ADAT2: variants seen among roughly 807,000 people sequenced by gnomAD.
ADAT2 encodes the protein tRNA-specific adenosine-34 deaminase catalytic subunit ADAT2.
In ADAT2, 26 loss-of-function variants were observed where a neutral mutation model predicts 25.9. The observed-to-expected ratio is 1.00, with a 90% CI of 0.74 to 1.39. The LOEUF (loss-of-function observed/expected upper bound fraction) is 1.39. Ranked by LOEUF, ADAT2 falls within the 40% of genes most tolerant of loss-of-function variation. The pLI is 0.00. For missense variants in ADAT2, 220 were observed against 244.8 expected (o/e 0.90, Z 0.68); for synonymous variants, 76 against 86.8 (o/e 0.88, Z 0.69).
In ADAT2 at chr6:143,430,567, A is replaced by G. The variant is rs1046301577; in HGVS notation, c.460-1883T>C. 1.3e-3 allele frequency among the ~76,000 whole-genome samples: 183 copies of G among 137,778 alleles called. 1 individual carries two copies. The highest frequency in any genetic ancestry group is 4.4e-3 in the African/African-American group (165 of 37,318). The allele number at this position is 137,778 out of a possible 152,430, so 90.4% of individuals were successfully genotyped here. ...TGTTAATAAAAAGCAAACATTCATAATAATTTTTTTTTTTGAGACAGTCTC... is the reference window on the plus strand; with the variant it reads ...TGTTAATAAAAAGCAAACATTCATAGTAATTTTTTTTTTTGAGACAGTCTC... On this transcript the variant is annotated intron_variant, in intron 4 of 5. Coordinates refer to ENST00000237283, the MANE Select transcript of ADAT2 (RefSeq NM_182503.3).
chr6:143,438,489 G>A (rs773397849), intron 2 of ADAT2, 101 bp downstream of exon 2: 37 of 771,240 alleles, frequency 4.8e-5, no homozygotes, highest in African/African-American at 1.1e-4. Context: ...TGGCAGCTAC[G>A]GGACTATATT....
At chr6:143,429,487 C>G (rs1008905926) in intron 4 of ADAT2, among the ~76,000 whole-genome samples, 1 of 152,038 alleles carries the variant, frequency 6.6e-6, no homozygotes, top group Non-Finnish European at 1.5e-5. Context: ...ACCTGAAGAA[C>G]ATGAAACTTG....
intron 4 of ADAT2, among the ~76,000 whole-genome samples, chr6:143,429,419 C>T (rs1258199170): frequency 6.6e-6 from 1 of 151,990 alleles, no homozygotes; most frequent in Non-Finnish European, 1.5e-5. Flanking sequence ...GAAATCATAA[C>T]ATGTGAAAGA....
intron 4 of ADAT2, among the ~76,000 whole-genome samples, chr6:143,431,238 G>C (rs964618093): frequency 6.6e-6 from 1 of 152,180 alleles, no homozygotes; most frequent in Non-Finnish European, 1.5e-5. Context: ...AACTTGTTTT[G>C]GTTCTGCTGC....
At position 143,425,052 on chromosome 6, in the gene ADAT2, A is replaced by G. The variant is rs1778888802; in HGVS notation, c.*3411T>C. 1 of 152,220 alleles carries G rather than the reference A, an allele frequency of 6.6e-6. No individual in the cohort carries two copies. The highest frequency in any genetic ancestry group is 1.5e-5 in the Non-Finnish European group (1 of 68,056). The allele number at this position is 152,220 out of a possible 1,614,324, so 9.4% of individuals were successfully genotyped here. A position where few individuals can be genotyped will look rare whatever the true frequency, so the allele number is the denominator to read the frequency against. On this transcript the variant is annotated 3_prime_UTR_variant, in exon 6 of 6. Transcript: ENST00000237283. ...TCCTGTGAGGAACTTAACATCAACC[A>G]GCACCTGAATCTAATCACAAGAAAA...
rs964691785 is a variant in ADAT2, at chr6:143,437,162, G to A, written c.201+1428C>T. On this transcript the variant is annotated intron_variant, in intron 2 of 5. Transcript: ENST00000237283. This position sits in a 1 kb window ranked among gnomAD's most constrained non-coding sequence, Gnocchi z 4.1. ...ATCTGAATTGTCCAACTACTTTGTC[G>A]GAACAGTTCCTATTGATTGGAACTG... 1.3e-5 allele frequency among the ~76,000 whole-genome samples: 2 copies of A among 152,054 alleles called. No homozygotes were observed. The highest frequency in any genetic ancestry group is 2.4e-5 in the African/African-American group (1 of 41,416).
rs757226847 is a variant in ADAT2, at chr6:143,433,813, C to T, written c.352+18G>A. On this transcript the variant is annotated intron_variant, in intron 3 of 5. Coordinates refer to ENST00000237283, the MANE Select transcript of ADAT2 (RefSeq NM_182503.3). ...ACACGAATGGTACGATACATTAACT[C>T]ATGAAGTCAAAGGATACTCATCAGG... The T allele has an allele frequency of 1.8e-5, 29 of 1,611,902 alleles. No homozygotes were observed. The South Asian group carries it at 2.3e-4, about 13-fold the overall frequency.
chr6:143,433,261 G>T (rs1326242994), intron 3 of ADAT2, among the ~76,000 whole-genome samples: 1 of 152,122 alleles, frequency 6.6e-6, no homozygotes, highest in Non-Finnish European at 1.5e-5. Flanking sequence ...ATCTTTAGAA[G>T]TCCCTACAGA....
rs1163045883 is a variant in ADAT2 at position 143,442,427 on chromosome 6, C to T, written c.97-3733G>A. 2.0e-5 allele frequency among the ~76,000 whole-genome samples: 3 copies of T among 151,180 alleles called. No individual in the cohort carries two copies. The highest frequency in any genetic ancestry group is 4.9e-5 in the African/African-American group (2 of 41,100). On this transcript the variant is annotated intron_variant, in intron 1 of 5. Coordinates refer to ENST00000237283, the MANE Select transcript of ADAT2 (RefSeq NM_182503.3). The surrounding 1 kb of genome is among the most constrained non-coding windows in gnomAD (Gnocchi z 4.6). ...GAGCCATGTGGTAGTGAAACAGTTC[C>T]AGTGGTGGTTATACAAAGCTAAACA...
chr6:143,426,682 A>C lies in ADAT2; in HGVS notation c.*1781T>G, dbSNP rs1342916882. The C allele has an allele frequency of 6.6e-6, 1 of 152,180 alleles. No individual in the cohort carries two copies. The highest frequency in any genetic ancestry group is 1.5e-5 in the Non-Finnish European group (1 of 68,046). 9.4% of individuals were successfully genotyped at this position (152,180 alleles called of 1,614,324 possible). On this transcript the variant is annotated 3_prime_UTR_variant, in exon 6 of 6. Coordinates refer to ENST00000237283, the MANE Select transcript of ADAT2 (RefSeq NM_182503.3). This position sits in a 1 kb window ranked among gnomAD's most constrained non-coding sequence, Gnocchi z 4.1. ...CGACAGTCTCTGGGCTAGAATGCTC[A>C]TATACTATTTTCGGCTTTGGCTTTT... is the stretch of plus-strand genomic sequence containing the variant.
chr6:143,433,770 T>G, intron 3 of ADAT2, 61 bp downstream of exon 3: 2 of 1,499,886 alleles, frequency 1.3e-6, no homozygotes, highest in South Asian at 2.8e-5. Flanking sequence ...GGCTACGTGT[T>G]TGGCCACTCT....
At chr6:143,445,105 T>TCAC in intron 1 of ADAT2, 1 of 285,138 alleles carries the variant, frequency 3.5e-6, no homozygotes, top group Non-Finnish European at 6.5e-6. Flanking sequence ...CTCTGAGTAA[T>TCAC]TAGCAGAAAC....
At chr6:143,449,386 T>C (rs1352561726) in intron 1 of ADAT2, among the ~76,000 whole-genome samples, 1 of 152,200 alleles carries the variant, frequency 6.6e-6, no homozygotes, top group Non-Finnish European at 1.5e-5. Flanking sequence ...ATGTAGATGT[T>C]TTCAAAGAAT....
At position 143,446,095 on chromosome 6, in the gene ADAT2, A is replaced by G. The variant is rs1779591571; in HGVS notation, c.96+4468T>C. On this transcript the variant is annotated intron_variant, in intron 1 of 5. Transcript: ENST00000237283. This position sits in a 1 kb window ranked among gnomAD's most constrained non-coding sequence, Gnocchi z 5.0. ...CTCATGTATCAAAAAAAAAAAACCC[A>G]CTAAGAATCCCAATACCCCAAAATA... is the stretch of plus-strand genomic sequence containing the variant. Among the ~76,000 whole-genome samples the G allele has an allele frequency of 6.7e-6, 1 of 150,066 alleles. No homozygotes were observed. Among genetic ancestry groups the G allele is most frequent in the African/African-American group, 2.4e-5 (1 of 40,978 alleles).
chr6:143,441,325 C>T (rs1779450029), intron 1 of ADAT2: 2 of 152,138 alleles, frequency 1.3e-5, no homozygotes, highest in South Asian at 4.1e-4. Context: ...CTTAAAACTC[C>T]ACAATAAAAT....
At position 143,442,229 on chromosome 6, in the gene ADAT2, C is replaced by T. The variant is rs1779478689; in HGVS notation, c.97-3535G>A. Among the ~76,000 whole-genome samples the T allele has an allele frequency of 6.6e-6, 1 of 152,152 alleles. No homozygotes were observed. The highest frequency in any genetic ancestry group is 2.4e-5 in the African/African-American group (1 of 41,436). On this transcript the variant is annotated intron_variant, in intron 1 of 5. Coordinates refer to ENST00000237283, the MANE Select transcript of ADAT2 (RefSeq NM_182503.3). This position sits in a 1 kb window ranked among gnomAD's most constrained non-coding sequence, Gnocchi z 4.6. ...ACCATGGGACACAATGCAGCAATAA[C>T]AAGGAATGAACTATCGATAATCTCA...
At position 143,423,701 on chromosome 6, in the gene ADAT2, G is replaced by C. The variant is rs1343397543; in HGVS notation, c.*4762C>G. 1 of 152,178 alleles carries C rather than the reference G, an allele frequency of 6.6e-6. No homozygotes were observed. The highest frequency in any genetic ancestry group is 1.9e-4 in the East Asian group (1 of 5,190). 9.4% of individuals were successfully genotyped at this position (152,178 alleles called of 1,614,324 possible). ...GTCAGTGATTAGGAAATTACTAAGA[G>C]GAGATATCAAGAGTAGAGTTCTTGC... On this transcript the variant is annotated 3_prime_UTR_variant, in exon 6 of 6. Coordinates refer to ENST00000237283, the MANE Select transcript of ADAT2 (RefSeq NM_182503.3).
At position 143,424,720 on chromosome 6, in the gene ADAT2, T is replaced by C. The variant is rs1181081784; in HGVS notation, c.*3743A>G. The stretch of plus-strand genomic sequence containing the variant: ...TGATGCTTATTAAGATATCACTATT[T>C]AAAACATTCTTATTAGAAAAATTTT... On this transcript the variant is annotated 3_prime_UTR_variant, in exon 6 of 6. Transcript: ENST00000237283. This position sits in a 1 kb window ranked among gnomAD's most constrained non-coding sequence, Gnocchi z 4.8. The C allele has an allele frequency of 3.3e-5, 5 of 152,220 alleles. No individual in the cohort carries two copies. The highest frequency in any genetic ancestry group is 3.3e-4 in the Admixed American group (5 of 15,290). The allele number at this position is 152,220 out of a possible 1,614,324, so 9.4% of individuals were successfully genotyped here. A position where few individuals can be genotyped will look rare whatever the true frequency, so the allele number is the denominator to read the frequency against.
chr6:143,438,510 T>C (rs2128741866), intron 2 of ADAT2, 80 bp downstream of exon 2: 4 of 1,146,052 alleles, frequency 3.5e-6, no homozygotes, highest in Non-Finnish European at 3.9e-6. Flanking sequence ...CAGTCTCACC[T>C]TCACACCAAC....
Sources: allele counts gnomAD v4.1 joint callset (sites outside exome capture counted in the v4.1 genomes callset), GRCh38; gene constraint gnomAD v4.1.1; non-coding constraint Gnocchi (gnomAD v3.1); transcripts MANE v1.5; gene names NCBI Gene and HGNC (gene_info 2026-07-23, HGNC 2026-07-21).